The following GNAT2 variants were observed in gnomAD, a reference collection of about 807,000 sequenced individuals.
GNAT2 encodes G protein subunit alpha transducin 2.
GNAT2 carries 32 observed loss-of-function variants against 40.9 expected under a neutral mutation model. The ratio of observed to expected loss-of-function variants is 0.78; its 90% confidence interval spans 0.59 to 1.05. The LOEUF is 1.05. Ranked by LOEUF, GNAT2 falls within the 50% of genes least tolerant of loss-of-function variation. The probability of loss-of-function intolerance (pLI) is 0.00; values close to 1 mark genes in which losing one functional copy is unlikely to be tolerated. For synonymous variants in GNAT2, 141 were observed against 157.2 expected (o/e 0.90, Z 0.77); for missense variants, 355 against 431.5 (o/e 0.82, Z 1.57).
Position 109,609,986 on chromosome 1 carries a change from C to A in GNAT2, c.303+54G>T, listed in dbSNP as rs115929213. 497 of 1,578,924 alleles carry A rather than the reference C, an allele frequency of 3.1e-4. 2 individuals carry two copies. The African/African-American group carries it at 6.0e-3, about 19-fold the overall frequency. ...TAGTTTGTTGGCCTCTGGTATGTTT[C>A]TTCTTGCTAGCCTTTCTGCTTCCAC... On this transcript the variant is annotated intron_variant, in intron 4 of 8. Coordinates refer to ENST00000679935, the MANE Select transcript of GNAT2 (RefSeq NM_001377295.2).
At position 109,606,296 on chromosome 1, in the gene GNAT2, C is replaced by A; in HGVS notation, c.590+12G>T. On this transcript the variant is annotated intron_variant, in intron 6 of 8. Coordinates refer to ENST00000679935, the MANE Select transcript of GNAT2 (RefSeq NM_001377295.2). ...CGTGTATCCGAGATGCCCTAGGGAA[C>A]CATGCACTTACCTGAAATTCAAGTC... is the stretch of plus-strand genomic sequence containing the variant. 2.5e-6 allele frequency: 4 copies of A among 1,613,578 alleles called. No homozygotes were observed. The highest frequency in any genetic ancestry group is 2.7e-5 in the African/African-American group (2 of 75,024).
At chr1:109,613,279 G>T in intron 1 of GNAT2, 1 of 290,284 alleles carries the variant, frequency 3.4e-6, no homozygotes, top group Non-Finnish European at 6.8e-6. Context: ...AAAGTCTCTT[G>T]CTTCCTTAGA....
At chr1:109,608,527 C>G (rs565712783) in intron 5 of GNAT2, 104 bp downstream of exon 5, 27 of 1,067,318 alleles carry the variant, frequency 2.5e-5, no homozygotes, top group Non-Finnish European at 3.5e-5. Context: ...CTCCAGCTTT[C>G]AATGCCTGAA....
rs1050400219 is a variant in GNAT2 at position 109,606,001 on chromosome 1, T to C, written c.689A>G (p.Tyr230Cys). 6.2e-7 allele frequency: 1 copy of C among 1,613,678 alleles called. No individual in the cohort carries two copies. Among genetic ancestry groups the C allele is most frequent in the Non-Finnish European group, 8.5e-7 (1 of 1,179,582 alleles). ...GTCATCTTCCACCAGCACCATATCA[T>C]AGGCACTGAGGGCTGCACAGAAAAT... The part of the protein sequence containing the change: ...CIIFCAALSA[Y>C]DMVLVEDDEV... Residue 230 changes from tyrosine to cysteine, a missense_variant, in exon 7 of 9, where the codon TAT becomes TGT. Physicochemically the swap from Tyr to Cys is radical, Grantham distance 194. Coordinates refer to ENST00000679935, the MANE Select transcript of GNAT2 (RefSeq NM_001377295.2).
In GNAT2 at chr1:109,603,871, G is replaced by T; in HGVS notation, c.874+80C>A. 18 of 1,056,702 alleles carry T rather than the reference G, an allele frequency of 1.7e-5. No homozygotes were observed. In the South Asian group the frequency reaches 2.1e-4, roughly 13 times the overall value. 65.5% of individuals were successfully genotyped at this position (1,056,702 alleles called of 1,614,324 possible). A position where few individuals can be genotyped will look rare whatever the true frequency, so the allele number is the denominator to read the frequency against. On this transcript the variant is annotated intron_variant, in intron 8 of 8. Transcript: ENST00000679935. ...AAGGTTCTCCCTTAAGTTCCTTTGTGTCATCTTGGCCTAAAAAATGAGACA... is the reference window on the plus strand; with the variant it reads ...AAGGTTCTCCCTTAAGTTCCTTTGTTTCATCTTGGCCTAAAAAATGAGACA...
chr1:109,615,831 T>C (rs1268734542), intron 1 of GNAT2: 1 of 152,170 alleles, frequency 6.6e-6, no homozygotes, highest in Non-Finnish European at 1.5e-5. Context: ...GACAAACCGG[T>C]GATCCTTCTT....
chr1:109,610,830 C>T (rs143390218), intron 2 of GNAT2: 7 of 437,374 alleles, frequency 1.6e-5, no homozygotes, highest in African/African-American at 1.2e-4. Flanking sequence ...TGTCTCCAGA[C>T]ATTTCCAAAT....
Position 109,610,225 on chromosome 1 carries a change from C to T in GNAT2, c.162-44G>A, listed in dbSNP as rs564717098. 4.4e-6 allele frequency: 7 copies of T among 1,602,732 alleles called. No individual in the cohort carries two copies. In the South Asian group the frequency reaches 7.7e-5, roughly 18 times the overall value. On this transcript the variant is annotated intron_variant, in intron 3 of 8. Transcript: ENST00000679935. ...CTGTCTTTAGCTGGACCTGAGTAAC[C>T]AGACCTAAGGGATTAGGAATTTGGG...
chr1:109,604,198 C>T, intron 7 of GNAT2, 94 bp from the exon 8 acceptor site: 1 of 979,392 alleles, frequency 1.0e-6, no homozygotes, highest in Non-Finnish European at 1.6e-6. Flanking sequence ...GACCAGTGCT[C>T]CAAATGTAAA....
At chr1:109,614,238 AG>A (rs1480474221) in intron 1 of GNAT2, 1 of 152,234 alleles carries the variant, frequency 6.6e-6, no homozygotes, top group Non-Finnish European at 1.5e-5. Flanking sequence ...AAGACATTAA[AG>A]ATTGGGAAGT....
chr1:109,607,474 AGGCAGATGTG>A (rs1649646525), intron 5 of GNAT2: 1 of 151,602 alleles, frequency 6.6e-6, no homozygotes, highest in East Asian at 1.9e-4. Context: ...GGCAAGAGGA[AGGCAGATGTG>A]AACTGAGATG....
rs1557918601 is a variant in GNAT2 at position 109,606,053 on chromosome 1, G to A, written c.637C>T (p.His213Tyr). The change falls in exon 7 of 9, where the codon CAC becomes TAC. Residue 213 changes from histidine (H) to tyrosine (Y), a missense_variant. Transcript: ENST00000679935. Reference sequence around the variant, plus strand: ...ATGCAGGTGACTCCCTCGAAGCAGTGGATCCACTTCTTTCTCTCGGATCTC... The same window carrying A: ...ATGCAGGTGACTCCCTCGAAGCAGTAGATCCACTTCTTTCTCTCGGATCTC... ...GQRSERKKWI[H>Y]CFEGVTCIIF... The A allele has an allele frequency of 6.2e-7, 1 of 1,613,122 alleles. No homozygotes were observed. Among genetic ancestry groups the A allele is most frequent in the Non-Finnish European group, 8.5e-7 (1 of 1,179,064 alleles).
chr1:109,615,271 G>C (rs1649917864), intron 1 of GNAT2: 1 of 152,204 alleles, frequency 6.6e-6, no homozygotes, highest in Admixed American at 6.5e-5. Context: ...TTGGGAGGCT[G>C]AGGTGGGTGG....
intron 7 of GNAT2, 91 bp from the exon 8 acceptor site, chr1:109,604,195 G>C (rs1415822892): frequency 1.0e-6 from 1 of 990,454 alleles, no homozygotes; most frequent in Non-Finnish European, 1.6e-6. Flanking sequence ...AGAGACCAGT[G>C]CTCCAAATGT....
At position 109,603,972 on chromosome 1, in the gene GNAT2, T is replaced by A; in HGVS notation, c.853A>T (p.Ile285Phe). 1.2e-6 allele frequency: 2 copies of A among 1,610,148 alleles called. No individual in the cohort carries two copies. Among genetic ancestry groups the A allele is most frequent in the Non-Finnish European group, 1.7e-6 (2 of 1,176,584 alleles). Residue 285 changes from isoleucine to phenylalanine, a missense_variant, in exon 8 of 9, where the codon ATT becomes TTT. Physicochemically the swap from Ile to Phe is conservative, Grantham distance 21. Transcript: ENST00000679935. The part of the protein sequence containing the change: ...EEKIKKVHLS[I>F]CFPEYDGNNS... ...TTACCATCATACTCTGGAAAACAAATGCTGAGATGGACTTTCTTGATTTTT... is the reference window on the plus strand; with the variant it reads ...TTACCATCATACTCTGGAAAACAAAAGCTGAGATGGACTTTCTTGATTTTT...
At chr1:109,609,920 G>A in intron 4 of GNAT2, 120 bp downstream of exon 4, 1 of 987,072 alleles carries the variant, frequency 1.0e-6, no homozygotes. Flanking sequence ...CACCCAGCAG[G>A]TGGGATTTTA....
At chr1:109,606,784 CT>C in intron 5 of GNAT2, 1 of 325,374 alleles carries the variant, frequency 3.1e-6, no homozygotes, top group Admixed American at 4.5e-5. Context: ...TTGAAAGAGA[CT>C]TTAAAGACAT....
At position 109,606,060 on chromosome 1, in the gene GNAT2, C is replaced by T. The variant is rs755458273; in HGVS notation, c.630G>A (p.Lys210=). The T allele has an allele frequency of 4.3e-6, 7 of 1,613,622 alleles. No homozygotes were observed. Among genetic ancestry groups the T allele is most frequent in the Non-Finnish European group, 5.9e-6 (7 of 1,179,606 alleles). Residue 210 remains lysine (K), a synonymous_variant, in exon 7 of 9, where the codon AAG becomes AAA. Transcript: ENST00000679935. ...DVGGQRSERK[K]WIHCFEGVTC... ...TGACTCCCTCGAAGCAGTGGATCCA[C>T]TTCTTTCTCTCGGATCTCTGCCCTC...
chr1:109,610,585 G>GACCCCCA, intron 2 of GNAT2, 78 bp from the exon 3 acceptor site: 5 of 1,199,454 alleles, frequency 4.2e-6, no homozygotes, highest in Non-Finnish European at 6.2e-6. Flanking sequence ...GGAGAAGTCA[G>GACCCCCA]AGCCACTGCT....
Sources: allele counts gnomAD v4.1 joint callset, GRCh38; gene constraint gnomAD v4.1.1; transcripts MANE v1.5; gene names NCBI Gene and HGNC (gene_info 2026-07-23, HGNC 2026-07-21).